Variants in KCNN2 observed in about 807,000 individuals in gnomAD.
KCNN2 encodes small conductance calcium-activated potassium channel protein 2.
Under a neutral mutation model 55.5 loss-of-function variants are expected in KCNN2, and 24 were observed. The observed-to-expected ratio is 0.43, with a 90% CI of 0.31 to 0.61. The LOEUF (loss-of-function observed/expected upper bound fraction) is 0.61, where lower values mean the gene tolerates loss of function less well. KCNN2 is among the 20% of genes least tolerant of loss of function. The pLI, the probability that KCNN2 is intolerant of heterozygous loss-of-function variation, is 0.08. For synonymous variants in KCNN2, 431 were observed against 336.1 expected (o/e 1.28, Z -3.09); for missense variants, 754 against 853.6 (o/e 0.88, Z 1.45).
intron 1 of KCNN2, among the ~76,000 whole-genome samples, chr5:114,088,869 CT>C (rs1461213654): frequency 6.6e-6 from 1 of 152,142 alleles, no homozygotes; most frequent in African/African-American, 2.4e-5. Flanking sequence ...GATCCACCCA[CT>C]TTGTCCTCCA....
intron 2 of KCNN2, among the ~76,000 whole-genome samples, chr5:114,261,579 T>G (rs1755108749): frequency 1.3e-5 from 2 of 152,314 alleles, no homozygotes; most frequent in Admixed American, 1.3e-4. Flanking sequence ...TTTTTGAAAC[T>G]TCCACCTAAG....
intron 1 of KCNN2, among the ~76,000 whole-genome samples, chr5:114,170,862 T>G (rs1280155360): frequency 6.6e-6 from 1 of 152,042 alleles, no homozygotes; most frequent in Non-Finnish European, 1.5e-5. Context: ...ACTACATCAT[T>G]GTTCCCTTTT....
rs540407584 is a variant in KCNN2 at position 114,236,196 on chromosome 5, G to C, written c.-185+14631G>C. On this transcript the variant is annotated intron_variant, in intron 2 of 10. Transcript: ENST00000512097. ...ACCATTTGCAGTCTTAGTTCTCCTA[G>C]AATAGTTCTTTGTCTTTCCAAAAGC... 4.2e-3 allele frequency among the ~76,000 whole-genome samples: 642 copies of C among 152,222 alleles called. 5 individuals carry two copies. Among genetic ancestry groups the C allele is most frequent in the African/African-American group, 0.015 (619 of 41,508 alleles).
chr5:114,214,774 C>T (rs1198811749), intron 1 of KCNN2, among the ~76,000 whole-genome samples: 1 of 152,118 alleles, frequency 6.6e-6, no homozygotes, highest in Admixed American at 6.6e-5. Flanking sequence ...ACCTGAGTGC[C>T]TTTCAGTCAT....
At chr5:114,069,511 T>A (rs970500211) in intron 1 of KCNN2, among the ~76,000 whole-genome samples, 1 of 151,586 alleles carries the variant, frequency 6.6e-6, no homozygotes, top group Admixed American at 6.6e-5. Flanking sequence ...CTCAGGATAT[T>A]TTTTTTTCTT....
At chr5:114,292,132 T>G (rs1400039794) in intron 2 of KCNN2, among the ~76,000 whole-genome samples, 1 of 152,210 alleles carries the variant, frequency 6.6e-6, no homozygotes, top group East Asian at 1.9e-4. Context: ...TTTCTCCCAT[T>G]CTGTAGGTTG....
chr5:114,319,193 G>A (rs1756566335), intron 2 of KCNN2, among the ~76,000 whole-genome samples: 1 of 152,106 alleles, frequency 6.6e-6, no homozygotes, highest in African/African-American at 2.4e-5. Flanking sequence ...AAGTCCACTG[G>A]CCCCTTCTTA....
intron 2 of KCNN2, among the ~76,000 whole-genome samples, chr5:114,270,803 T>C (rs994145657): frequency 2.2e-4 from 34 of 152,150 alleles, no homozygotes; most frequent in Admixed American, 2.2e-3. Context: ...ACCCTCGTGG[T>C]GAGTGTTACA....
intron 1 of KCNN2, among the ~76,000 whole-genome samples, chr5:114,188,587 A>C (rs938131564): frequency 1.3e-5 from 2 of 152,212 alleles, no homozygotes; most frequent in Non-Finnish European, 2.9e-5. Flanking sequence ...TCATACAAAT[A>C]AATTGTTAAG....
At chr5:114,144,603 T>A (rs961416088) in intron 1 of KCNN2, among the ~76,000 whole-genome samples, 1 of 152,094 alleles carries the variant, frequency 6.6e-6, no homozygotes, top group African/African-American at 2.4e-5. Flanking sequence ...GCTCTGACTA[T>A]TAAAATGCTA....
Position 114,342,147 on chromosome 5 carries a change from C to T in KCNN2, c.-184-18798C>T, listed in dbSNP as rs368176482. On this transcript the variant is annotated intron_variant, in intron 2 of 10. Transcript: ENST00000512097. ...CGATCTCCTGACCTCGTGATCCACC[C>T]GCCTTGGCCTCCCAAAGTGCTGGGA... 7.2e-5 allele frequency among the ~76,000 whole-genome samples: 11 copies of T among 152,178 alleles called. No individual in the cohort carries two copies. The East Asian group carries it at 7.7e-4, about 11-fold the overall frequency.
rs375791756 is a variant in KCNN2, at chr5:114,306,827, A to T, written c.-184-54118A>T. 9.2e-5 allele frequency among the ~76,000 whole-genome samples: 14 copies of T among 151,546 alleles called. No homozygotes were observed. In the East Asian group the frequency reaches 2.3e-3, roughly 25 times the overall value. ...GTGACTCTTCTGCCTCAGCCTCCTG[A>T]GAAGCTGGAACTACAGGCACACACC... On this transcript the variant is annotated intron_variant, in intron 2 of 10. Coordinates refer to the KCNN2 transcript ENST00000512097.
rs544701295 is a variant in KCNN2, at chr5:114,220,259, T to C, written c.-270-1221T>C. Among the ~76,000 whole-genome samples, 8 of 152,252 alleles carry C rather than the reference T, an allele frequency of 5.3e-5. No homozygotes were observed. In the East Asian group the frequency reaches 1.5e-3, roughly 29 times the overall value. On this transcript the variant is annotated intron_variant, in intron 1 of 10. Coordinates refer to the KCNN2 transcript ENST00000512097. ...CTTCTAATTAAAATGGTATTGCCAA[T>C]TGATATATTAATAAACACCTCCTTC...
intron 1 of KCNN2, among the ~76,000 whole-genome samples, chr5:114,177,735 A>C (rs1753165111): frequency 6.6e-6 from 1 of 152,122 alleles, no homozygotes; most frequent in Non-Finnish European, 1.5e-5. Context: ...AATAACTTTG[A>C]AAGTTAAAGT....
Position 114,496,073 on chromosome 5 carries a change from T to G in KCNN2, c.2267T>G (p.Met756Arg), listed in dbSNP as rs764225522. 6 of 1,613,948 alleles carry G rather than the reference T, an allele frequency of 3.7e-6. No homozygotes were observed. Among genetic ancestry groups the G allele is most frequent in the Non-Finnish European group, 5.1e-6 (6 of 1,179,970 alleles). The change falls in exon 8 of 8, where the codon ATG becomes AGG. Residue 756 changes from methionine (M) to arginine (R), a missense_variant. Met to Arg is a moderately conservative substitution (Grantham distance 91). Coordinates refer to ENST00000673685, the MANE Select transcript of KCNN2 (RefSeq NM_021614.4). Reference sequence around the variant, plus strand: ...CAGAGAGATTTCATTGAGGCTCAGATGGAGAGCTACGACAAGCACGTCACT... The same window carrying G: ...CAGAGAGATTTCATTGAGGCTCAGAGGGAGAGCTACGACAAGCACGTCACT... ...QQQRDFIEAQ[M>R]ESYDKHVTYN... is the part of the protein sequence containing the mutation.
At chr5:114,439,544 C>G (rs1182151722) in intron 3 of KCNN2, among the ~76,000 whole-genome samples, 2 of 152,102 alleles carry the variant, frequency 1.3e-5, no homozygotes, top group African/African-American at 4.8e-5. Flanking sequence ...GGGTCCCACC[C>G]TCAGTGATTC....
chr5:114,401,175 C>G (rs981480664), intron 2 of KCNN2, among the ~76,000 whole-genome samples: 2 of 151,822 alleles, frequency 1.3e-5, no homozygotes, highest in African/African-American at 4.8e-5. Flanking sequence ...AAATATTTTT[C>G]CTCAATTTCA....
chr5:114,251,474 C>T (rs901984776), intron 2 of KCNN2, among the ~76,000 whole-genome samples: 1 of 152,114 alleles, frequency 6.6e-6, no homozygotes, highest in Admixed American at 6.5e-5. Context: ...TTTAAGGATT[C>T]AGGAAAATAT....
At chr5:114,315,503 T>G (rs886448726) in intron 2 of KCNN2, among the ~76,000 whole-genome samples, 1 of 151,884 alleles carries the variant, frequency 6.6e-6, no homozygotes, top group Non-Finnish European at 1.5e-5. Context: ...AAGTGGACTA[T>G]TCTTATTATT....
Sources: gnomAD v4.1 joint callset for allele counts (sites outside exome capture counted in the v4.1 genomes callset) on GRCh38, gnomAD v4.1.1 for gene constraint, MANE v1.5 for transcripts, NCBI Gene and HGNC (gene_info 2026-07-23, HGNC 2026-07-21) for gene names.